Variants in VPS13D observed in about 807,000 individuals in gnomAD.
VPS13D encodes the protein vacuolar protein sorting 13 homolog D, also known as intermembrane lipid transfer protein VPS13D.
Under a neutral mutation model 461.9 loss-of-function variants are expected in VPS13D, and 187 were observed. The ratio of observed to expected loss-of-function variants is 0.40; its 90% CI spans 0.36 to 0.46. VPS13D has a LOEUF of 0.46. Among genes scored for constraint, VPS13D ranks in the 20% least tolerant of loss-of-function variants. The probability of loss-of-function intolerance (pLI) is 0.60; values close to 1 mark genes in which losing one functional copy is unlikely to be tolerated. For synonymous variants in VPS13D, 1,951 were observed against 1,986.3 expected, an observed-to-expected ratio of 0.98 and a Z score of 0.47; for missense variants, 4,711 against 5,364.9, an observed-to-expected ratio of 0.88 and a Z score of 3.81.
chr1:12,448,916 G>A (rs1334202426), intron 65 of VPS13D, among the ~76,000 whole-genome samples: 2 of 152,230 alleles, frequency 1.3e-5, no homozygotes, highest in Non-Finnish European at 2.9e-5. Context: ...AGTTCAGCAG[G>A]CGTGTGTCTT....
At chr1:12,303,287 G>GT (rs1217352438) in intron 25 of VPS13D, among the ~76,000 whole-genome samples, 1 of 152,122 alleles carries the variant, frequency 6.6e-6, no homozygotes, top group Non-Finnish European at 1.5e-5. Context: ...ACAAGATTGA[G>GT]TTTTTTTGCA....
intron 61 of VPS13D, among the ~76,000 whole-genome samples, chr1:12,400,962 G>GCGCACA (rs1253464149): frequency 9.5e-4 from 101 of 106,294 alleles, no homozygotes; most frequent in African/African-American, 1.9e-3. Flanking sequence ...CTGCGCGCGC[G>GCGCACA]CACACACACA....
chr1:12,305,882 G>A (rs1642548452), intron 26 of VPS13D, among the ~76,000 whole-genome samples: 2 of 152,192 alleles, frequency 1.3e-5, no homozygotes, highest in African/African-American at 4.8e-5. Flanking sequence ...AGTAGTAGTT[G>A]TGAAACACTA....
In VPS13D at chr1:12,416,663, C is replaced by T. The variant is rs748461575; in HGVS notation, c.12169C>T (p.Leu4057Phe). 28 of 1,612,382 alleles carry T rather than the reference C, an allele frequency of 1.7e-5. No individual in the cohort carries two copies. The Admixed American group carries it at 4.2e-4, about 24-fold the overall frequency. Residue 4057 changes from leucine to phenylalanine, a missense_variant, in exon 65 of 70, where the codon CTC becomes TTC. Physicochemically the swap from Leu to Phe is conservative, Grantham distance 22. This residue lies in a region of VPS13D where 106 missense variants were observed against 206.2 expected (regional missense o/e 0.51). Coordinates refer to ENST00000620676, the MANE Select transcript of VPS13D (RefSeq NM_015378.4). ...CTCTTCCTGTTCCATTTGGCAGGAA[C>T]TCCTCAGCCAGGCAGCTCGAATCCT... ...NDILKHFQEE[L>F]LSQAARILGS...
rs1380078892 is a variant in VPS13D at position 12,354,228 on chromosome 1, A to ATG, written c.9679+9_9679+10dup. 1 of 1,612,826 alleles carries ATG rather than the reference A, an allele frequency of 6.2e-7. No individual in the cohort carries two copies. Among genetic ancestry groups the ATG allele is most frequent in the South Asian group, 1.1e-5 (1 of 91,056 alleles). On this transcript the variant is annotated splice_region_variant and intron_variant, in intron 47 of 69. Transcript: ENST00000620676. ...TCCCAGAACATTGAGCTGGGTAAGA[A>ATG]TGTAGTCAGATGATCATTTGTCATA...
At chr1:12,250,663 C>G (rs950302777) in intron 6 of VPS13D, among the ~76,000 whole-genome samples, 2 of 152,310 alleles carry the variant, frequency 1.3e-5, no homozygotes, top group African/African-American at 4.8e-5. Flanking sequence ...TTTAATTCTC[C>G]TTGATTTTCA....
rs775228221 is a variant in VPS13D, at chr1:12,261,067, C to T, written c.1332C>T (p.Tyr444=). 4.0e-5 allele frequency: 64 copies of T among 1,613,934 alleles called. No homozygotes were observed. The highest frequency in any genetic ancestry group is 8.8e-5 in the South Asian group (8 of 91,080). The part of the protein sequence containing the change: ...QSWFPGWGGW[Y]GQQTPEGNVV... The stretch of plus-strand genomic sequence containing the variant: ...GGTTTCCTGGATGGGGTGGCTGGTA[C>T]GGGCAGCAGACCCCAGAAGGGAATG... The change falls in exon 12 of 70, where the codon TAC becomes TAT. Residue 444 remains tyrosine (Y), a synonymous_variant. Transcript: ENST00000620676.
intron 65 of VPS13D, among the ~76,000 whole-genome samples, chr1:12,439,588 C>T (rs187680614): frequency 1.3e-5 from 2 of 152,234 alleles, no homozygotes; most frequent in Admixed American, 6.5e-5. Context: ...AATTTTCATA[C>T]AACATACGAA....
At position 12,318,130 on chromosome 1, in the gene VPS13D, A is replaced by G; in HGVS notation, c.7207A>G (p.Ile2403Val). ...VVLNNLRVFL[I>V]FDWLLLVHDF... ...TCTCAACAATCTCCGTGTGTTTCTC[A>G]TATTTGACTGGCTACTGTTAGTCCA... The change falls in exon 31 of 70, where the codon ATA becomes GTA. Residue 2403 changes from isoleucine to valine, a missense_variant. Physicochemically the swap from Ile to Val is conservative, Grantham distance 29. Coordinates refer to ENST00000620676, the MANE Select transcript of VPS13D (RefSeq NM_015378.4). 1 of 1,614,080 alleles carries G rather than the reference A, an allele frequency of 6.2e-7. No individual in the cohort carries two copies. The highest frequency in any genetic ancestry group is 8.5e-7 in the Non-Finnish European group (1 of 1,179,982).
rs1403137712 is a variant in VPS13D at position 12,473,624 on chromosome 1, T to C, written c.12662+13228T>C. The stretch of plus-strand genomic sequence containing the variant: ...AAAGCACTCAGCCTGGCATGTGGCA[T>C]GCAGGTAGGGCTCAAGAAATGGTGT... On this transcript the variant is annotated intron_variant, in intron 67 of 69. Transcript: ENST00000620676. This position sits in a 1 kb window ranked among gnomAD's most constrained non-coding sequence, Gnocchi z 4.2. 6.6e-6 allele frequency among the ~76,000 whole-genome samples: 1 copy of C among 152,220 alleles called. No homozygotes were observed. The highest frequency in any genetic ancestry group is 1.5e-5 in the Non-Finnish European group (1 of 68,038).
intron 40 of VPS13D, among the ~76,000 whole-genome samples, chr1:12,340,296 C>G (rs933806343): frequency 1.3e-5 from 2 of 152,060 alleles, no homozygotes; most frequent in Non-Finnish European, 2.9e-5. Context: ...CTCTAAATGA[C>G]TGACCACAAA....
intron 39 of VPS13D, chr1:12,337,249 C>T (rs1045358972): frequency 6.6e-6 from 1 of 152,042 alleles, no homozygotes; most frequent in African/African-American, 2.4e-5. Flanking sequence ...ATTTCCAAAC[C>T]TCTTTTCTTA....
At position 12,327,730 on chromosome 1, in the gene VPS13D, T is replaced by C; in HGVS notation, c.8073T>C (p.Asp2691=). ...KSLSLASTSR[D]SPGAVAAPLI... is the part of the protein sequence containing the mutation. ...TTTCCTTGGCCTCCACCAGCCGAGA[T>C]AGCCCAGGGGCTGTGGCAGCGCCAT... Residue 2691 remains aspartate (D), a synonymous_variant, in exon 36 of 70, where the codon GAT becomes GAC. Transcript: ENST00000620676. 1 of 1,614,180 alleles carries C rather than the reference T, an allele frequency of 6.2e-7. No homozygotes were observed. Among genetic ancestry groups the C allele is most frequent in the Admixed American group, 1.7e-5 (1 of 60,024 alleles).
chr1:12,317,179 C>T (rs905314139), intron 30 of VPS13D, among the ~76,000 whole-genome samples: 8 of 152,138 alleles, frequency 5.3e-5, no homozygotes, highest in South Asian at 2.1e-4. Flanking sequence ...TGATCCTAGA[C>T]GTCAAAGAAG....
intron 63 of VPS13D, among the ~76,000 whole-genome samples, chr1:12,413,441 C>A (rs1177580524): frequency 1.3e-5 from 2 of 152,118 alleles, no homozygotes; most frequent in Non-Finnish European, 2.9e-5. Flanking sequence ...CCACTGTACT[C>A]CAGCCTGGGC....
chr1:12,353,119 G>T (rs979958013), intron 46 of VPS13D, among the ~76,000 whole-genome samples: 1 of 151,732 alleles, frequency 6.6e-6, no homozygotes, highest in African/African-American at 2.4e-5. Flanking sequence ...CTATCAAGAG[G>T]ATAATGAATA....
chr1:12,256,247 T>A (rs762365105), intron 7 of VPS13D, 86 bp from the exon 8 acceptor site: 4 of 1,479,800 alleles, frequency 2.7e-6, no homozygotes, highest in Middle Eastern at 2.5e-4. Context: ...AGCTCCACTG[T>A]TTGTCATAAA....
At position 12,283,621 on chromosome 1, in the gene VPS13D, A is replaced by G; in HGVS notation, c.5519A>G (p.Asp1840Gly). ...TTTTTTGGAATCGGCTCCACTGCAGACAACCACGCAATGAGGCTGCCTCCT... is the reference window on the plus strand; with the variant it reads ...TTTTTTGGAATCGGCTCCACTGCAGGCAACCACGCAATGAGGCTGCCTCCT... ...LDFFGIGSTA[D>G]NHAMRLPPEG... The change falls in exon 21 of 70, where the codon GAC becomes GGC. Residue 1840 changes from aspartate to glycine, a missense_variant. Coordinates refer to ENST00000620676, the MANE Select transcript of VPS13D (RefSeq NM_015378.4). 6.2e-7 allele frequency: 1 copy of G among 1,614,208 alleles called. No individual in the cohort carries two copies. Among genetic ancestry groups the G allele is most frequent in the African/African-American group, 1.3e-5 (1 of 75,054 alleles).
rs757737137 is a variant in VPS13D, at chr1:12,238,632, CT to C, written c.98-3864del. Among the ~76,000 whole-genome samples, 1,169 of 132,168 alleles carry C rather than the reference CT, an allele frequency of 8.8e-3. 8 individuals carry two copies. Among genetic ancestry groups the C allele is most frequent in the African/African-American group, 0.019 (702 of 36,080 alleles). The allele number at this position is 132,168 out of a possible 152,430, so 86.7% of individuals were successfully genotyped here. ...ACCACACTAAATGGTAGCTGCTATTCTTTTTTTTTTTTTTTTTGAGAGGAAG... is the reference window on the plus strand; with the variant it reads ...ACCACACTAAATGGTAGCTGCTATTCTTTTTTTTTTTTTTTTGAGAGGAAG... On this transcript the variant is annotated intron_variant, in intron 2 of 69. Coordinates refer to ENST00000620676, the MANE Select transcript of VPS13D (RefSeq NM_015378.4).
Sources: allele counts gnomAD v4.1 joint callset (sites outside exome capture counted in the v4.1 genomes callset), GRCh38; gene constraint gnomAD v4.1.1; regional missense constraint gnomAD v4.1.1; non-coding constraint Gnocchi (gnomAD v3.1); transcripts MANE v1.5; gene names NCBI Gene and HGNC (gene_info 2026-07-23, HGNC 2026-07-21).